BPNT1: variants seen among roughly 807,000 people sequenced by gnomAD.
BPNT1 encodes 3'(2'), 5'-bisphosphate nucleotidase 1.
In BPNT1, 28 loss-of-function variants were observed where a neutral mutation model predicts 36.9. That is an observed-to-expected ratio of 0.76 (90% CI 0.56 to 1.04). The LOEUF (loss-of-function observed/expected upper bound fraction) is 1.04, where lower values mean the gene tolerates loss of function less well. BPNT1 is among the 50% of genes least tolerant of loss of function. BPNT1 has a pLI of 0.00. For synonymous variants in BPNT1, 119 were observed against 130.9 expected (o/e 0.91, Z 0.62); for missense variants, 313 against 372.9 (o/e 0.84, Z 1.32).
At chr1:220,077,750 C>T (rs1664684456) in intron 2 of BPNT1, among the ~76,000 whole-genome samples, 1 of 152,120 alleles carries the variant, frequency 6.6e-6, no homozygotes, top group Non-Finnish European at 1.5e-5. Flanking sequence ...ATATATCACT[C>T]ATAAGTGAGT....
intron 1 of BPNT1, among the ~76,000 whole-genome samples, chr1:220,080,896 G>A (rs767464579): frequency 4.3e-4 from 65 of 152,240 alleles, no homozygotes; most frequent in Non-Finnish European, 4.1e-4. Flanking sequence ...ACTTGGAAAA[G>A]TAAGGAGTGT....
rs1443697856 is a variant in BPNT1 at position 220,062,933 on chromosome 1, C to T, written c.496G>A (p.Gly166Arg). ...NYEAGPDAVL[G>R]RTIWGVLGLG... ...CCTAAAACTCCCCAGATTGTCCTCC[C>T]CAACACAGCATCTGGTCCTGCCTGT... The change falls in exon 7 of 9, where the codon GGG becomes AGG. Residue 166 changes from glycine (G) to arginine (R), a missense_variant. Gly to Arg is a moderately radical substitution (Grantham distance 125). Transcript: ENST00000322067. The T allele has an allele frequency of 6.2e-7, 1 of 1,614,162 alleles. No individual in the cohort carries two copies. The highest frequency in any genetic ancestry group is 1.7e-5 in the Admixed American group (1 of 60,006).
At chr1:220,082,245 A>G (rs1262025127) in intron 1 of BPNT1, among the ~76,000 whole-genome samples, 2 of 150,776 alleles carry the variant, frequency 1.3e-5, no homozygotes, top group East Asian at 1.9e-4. Context: ...CAGTGGCGCA[A>G]TCTCAGCTCA....
intron 2 of BPNT1, among the ~76,000 whole-genome samples, chr1:220,076,284 G>A (rs1476575050): frequency 2.6e-5 from 4 of 151,846 alleles, no homozygotes; most frequent in South Asian, 2.1e-4. Flanking sequence ...GGCGGATGCC[G>A]AGGTCAGGAG....
chr1:220,081,221 C>G (rs1655086816), intron 1 of BPNT1, among the ~76,000 whole-genome samples: 1 of 152,216 alleles, frequency 6.6e-6, no homozygotes, highest in African/African-American at 2.4e-5. Context: ...GCGTGAGCCA[C>G]TGTATCTGGC....
At position 220,057,646 on chromosome 1, in the gene BPNT1, C is replaced by T; in HGVS notation, c.*1198G>A. ...TCCACAATTAAGCCTTATAATGATGCCACAAGAATAAACTAATCCCCAAAG... is the reference window on the plus strand; with the variant it reads ...TCCACAATTAAGCCTTATAATGATGTCACAAGAATAAACTAATCCCCAAAG... On this transcript the variant is annotated 3_prime_UTR_variant, in exon 9 of 9. Coordinates refer to ENST00000322067, the MANE Select transcript of BPNT1 (RefSeq NM_006085.6). 1 of 341,896 alleles carries T rather than the reference C, an allele frequency of 2.9e-6. No individual in the cohort carries two copies. The highest frequency in any genetic ancestry group is 4.0e-5 in the Admixed American group (1 of 24,848). 21.2% of individuals were successfully genotyped at this position (341,896 alleles called of 1,614,324 possible).
At chr1:220,089,591 C>T (rs569948318) in intron 1 of BPNT1, 95 bp downstream of exon 1, 2 of 152,348 alleles carry the variant, frequency 1.3e-5, no homozygotes, top group East Asian at 3.9e-4. Context: ...GAGAAGCAAT[C>T]TGATTCACAT....
At chr1:220,073,005 C>T (rs773376867) in intron 3 of BPNT1, 48 bp from the exon 4 acceptor site, 3 of 1,422,614 alleles carry the variant, frequency 2.1e-6, no homozygotes, top group Non-Finnish European at 3.0e-6. Context: ...TTAGTGTTTA[C>T]AGAGTATGCT....
At chr1:220,061,355 A>G (rs566050322) in intron 7 of BPNT1, among the ~76,000 whole-genome samples, 1 of 152,190 alleles carries the variant, frequency 6.6e-6, no homozygotes, top group South Asian at 2.1e-4. Flanking sequence ...TTATTATTAT[A>G]AAACTCAGAC....
rs577170208 is a variant in BPNT1 at position 220,059,401 on chromosome 1, C to T, written c.778+285G>A. Among the ~76,000 whole-genome samples the T allele has an allele frequency of 2.8e-4, 41 of 144,466 alleles. No homozygotes were observed. In the South Asian group the frequency reaches 4.0e-3, roughly 14 times the overall value. 94.8% of individuals were successfully genotyped at this position (144,466 alleles called of 152,430 possible). A position where few individuals can be genotyped will look rare whatever the true frequency, so the allele number is the denominator to read the frequency against. Reference sequence around the variant, plus strand: ...CACTGCATTCCAGCCTAGACAATAGCGACCCTGTGTCAAAAAAAAAAAAAG... The same window carrying T: ...CACTGCATTCCAGCCTAGACAATAGTGACCCTGTGTCAAAAAAAAAAAAAG... On this transcript the variant is annotated intron_variant, in intron 8 of 8. Transcript: ENST00000322067.
intron 1 of BPNT1, among the ~76,000 whole-genome samples, chr1:220,086,344 C>A (rs1194472999): frequency 2.0e-5 from 3 of 152,144 alleles, no homozygotes; most frequent in African/African-American, 7.2e-5. Context: ...GATATCGGCT[C>A]ACTGCAACTT....
chr1:220,071,231 T>C (rs1214865042), intron 4 of BPNT1, among the ~76,000 whole-genome samples: 1 of 152,084 alleles, frequency 6.6e-6, no homozygotes, highest in Non-Finnish European at 1.5e-5. Context: ...AAGTCTCCAA[T>C]GAATATGCCT....
At position 220,079,724 on chromosome 1, in the gene BPNT1, T is replaced by C. The variant is rs1333864150; in HGVS notation, c.120+3A>G. The stretch of plus-strand genomic sequence containing the variant: ...GTATGAAATGATATGAGAGTTTGAG[T>C]ACCTTCTCCACAATACCCAGGTCTC... On this transcript the variant is annotated splice_donor_region_variant and intron_variant, in intron 2 of 8. Transcript: ENST00000322067. The C allele has an allele frequency of 1.2e-6, 2 of 1,613,874 alleles. No homozygotes were observed. The highest frequency in any genetic ancestry group is 1.7e-6 in the Non-Finnish European group (2 of 1,179,940).
At chr1:220,061,448 C>T (rs1045888927) in intron 7 of BPNT1, among the ~76,000 whole-genome samples, 3 of 151,032 alleles carry the variant, frequency 2.0e-5, no homozygotes, top group Admixed American at 6.6e-5. Flanking sequence ...GCAGGAGAAT[C>T]GCTTGAACCC....
At position 220,079,730 on chromosome 1, in the gene BPNT1, C is replaced by T; in HGVS notation, c.117G>A (p.Glu39=). 2 of 1,614,020 alleles carry T rather than the reference C, an allele frequency of 1.2e-6. No homozygotes were observed. The highest frequency in any genetic ancestry group is 1.7e-6 in the Non-Finnish European group (2 of 1,179,982). ...AATGATATGAGAGTTTGAGTACCTT[C>T]TCCACAATACCCAGGTCTCCTTCAG... The part of the protein sequence containing the change: ...VIAEGDLGIV[E]KTCATDLQTK... The change falls in exon 2 of 9, where the codon GAG becomes GAA. Residue 39 remains glutamate, a synonymous_variant. Coordinates refer to ENST00000322067, the MANE Select transcript of BPNT1 (RefSeq NM_006085.6).
intron 1 of BPNT1, among the ~76,000 whole-genome samples, chr1:220,084,452 G>C (rs1200128174): frequency 6.6e-6 from 1 of 152,146 alleles, no homozygotes; most frequent in Non-Finnish European, 1.5e-5. Context: ...ATTATGCACT[G>C]GAAATGTGGT....
rs1024819533 is a variant in BPNT1, at chr1:220,059,731, T to C, written c.733A>G (p.Lys245Glu). The part of the protein sequence containing the change: ...AYVFASPGCK[K>E]WDTCAPEVIL... ...ACTTCTGGAGCACAAGTATCCCACT[T>C]CTTACAACCAGGACTTGCAAATACA... The change falls in exon 8 of 9, where the codon AAG (lysine) becomes GAG (glutamate). Residue 245 changes from lysine (K) to glutamate (E), a missense_variant. Coordinates refer to ENST00000322067, the MANE Select transcript of BPNT1 (RefSeq NM_006085.6). 1.2e-6 allele frequency: 2 copies of C among 1,611,846 alleles called. No homozygotes were observed. The highest frequency in any genetic ancestry group is 4.5e-5 in the East Asian group (2 of 44,702).
Position 220,057,655 on chromosome 1 carries a change from T to C in BPNT1, c.*1189A>G, listed in dbSNP as rs1428124971. Reference sequence around the variant, plus strand: ...AAGCCTTATAATGATGCCACAAGAATAAACTAATCCCCAAAGTCGAGAATG... The same window carrying C: ...AAGCCTTATAATGATGCCACAAGAACAAACTAATCCCCAAAGTCGAGAATG... On this transcript the variant is annotated 3_prime_UTR_variant, in exon 9 of 9. Transcript: ENST00000322067. 2.7e-6 allele frequency: 1 copy of C among 363,800 alleles called. No individual in the cohort carries two copies. The highest frequency in any genetic ancestry group is 5.4e-6 in the Non-Finnish European group (1 of 185,162). The allele number at this position is 363,800 out of a possible 1,614,324, so 22.5% of individuals were successfully genotyped here.
chr1:220,085,462 C>T (rs189125964), intron 1 of BPNT1, among the ~76,000 whole-genome samples: 9 of 152,292 alleles, frequency 5.9e-5, no homozygotes, highest in Admixed American at 1.3e-4. Flanking sequence ...GTGCCCCAAT[C>T]TGTAAAATGG....
Sources: allele counts gnomAD v4.1 joint callset (sites outside exome capture counted in the v4.1 genomes callset), GRCh38; gene constraint gnomAD v4.1.1; transcripts MANE v1.5; gene names NCBI Gene and HGNC (gene_info 2026-07-23, HGNC 2026-07-21).